KIF5A: variants seen among roughly 807,000 people sequenced by gnomAD.
The protein encoded by KIF5A is kinesin family member 5A.
In KIF5A, 35 loss-of-function variants were observed where a neutral mutation model predicts 141.3. The ratio of observed to expected loss-of-function variants is 0.25; its 90% CI spans 0.19 to 0.33. The LOEUF is 0.33. KIF5A is among the 10% of genes least tolerant of loss of function. The probability of loss-of-function intolerance (pLI) is 1.00; values close to 1 mark genes in which losing one functional copy is unlikely to be tolerated. For synonymous variants in KIF5A, 448 were observed against 500.2 expected, an observed-to-expected ratio of 0.90 and a Z score of 1.39; for missense variants, 861 against 1,314.3, an observed-to-expected ratio of 0.66 and a Z score of 5.33.
At position 57,585,635 on chromosome 12, in the gene KIF5A, G is replaced by C. The variant is rs1350022407; in HGVS notation, c.*1454G>C. ...AAGACCAAGATTCTCCAGCGGCAGG[G>C]CAGCCTATCACCCAACTTCTAAGTC... On this transcript the variant is annotated 3_prime_UTR_variant, in exon 29 of 29. Coordinates refer to ENST00000455537, the MANE Select transcript of KIF5A (RefSeq NM_004984.4). 1 of 152,866 alleles carries C rather than the reference G, an allele frequency of 6.5e-6. No individual in the cohort carries two copies. The highest frequency in any genetic ancestry group is 1.5e-5 in the Non-Finnish European group (1 of 68,218). 9.5% of individuals were successfully genotyped at this position (152,866 alleles called of 1,614,324 possible).
At chr12:57,560,706 A>G (rs542434714) in intron 1 of KIF5A, among the ~76,000 whole-genome samples, 2 of 152,058 alleles carry the variant, frequency 1.3e-5, no homozygotes, top group African/African-American at 4.8e-5. Flanking sequence ...TTACTAATTT[A>G]TGAGAGTTTT....
chr12:57,562,095 T>C (rs1405218554), intron 1 of KIF5A, among the ~76,000 whole-genome samples: 1 of 152,266 alleles, frequency 6.6e-6, no homozygotes, highest in Non-Finnish European at 1.5e-5. Flanking sequence ...CCATCAAATA[T>C]ATTCATTGGT....
chr12:57,581,286 T>A, intron 24 of KIF5A, 114 bp downstream of exon 24: 1 of 1,509,942 alleles, frequency 6.6e-7, no homozygotes. Flanking sequence ...CTCATCCCAC[T>A]TCCCCCCAAA....
intron 26 of KIF5A, among the ~76,000 whole-genome samples, chr12:57,582,373 A>G (rs891111467): frequency 1.3e-5 from 2 of 152,134 alleles, no homozygotes; most frequent in Admixed American, 6.5e-5. Flanking sequence ...TACCACGCCA[A>G]TCCCAGCCCT....
Position 57,575,678 on chromosome 12 carries a change from G to A in KIF5A, c.1944G>A (p.Gln648=), listed in dbSNP as rs746069287. 6.2e-7 allele frequency: 1 copy of A among 1,614,194 alleles called. No homozygotes were observed. Among genetic ancestry groups the A allele is most frequent in the Non-Finnish European group, 8.5e-7 (1 of 1,180,040 alleles). ...AKIRSLTEYM[Q]SVELKKRHLE... Reference sequence around the variant, plus strand: ...TCCGCTCGCTTACGGAATACATGCAGAGCGTGGAGCTAAAGAAGCGGCACC... The same window carrying A: ...TCCGCTCGCTTACGGAATACATGCAAAGCGTGGAGCTAAAGAAGCGGCACC... Residue 648 remains glutamine, a synonymous_variant, in exon 17 of 29, where the codon CAG becomes CAA. Transcript: ENST00000455537.
At chr12:57,574,258 G>A (rs1013016533) in intron 15 of KIF5A, among the ~76,000 whole-genome samples, 1 of 147,174 alleles carries the variant, frequency 6.8e-6, no homozygotes, top group Non-Finnish European at 1.5e-5. Flanking sequence ...TTGTAAGTGG[G>A]GGACTGTCAG....
At chr12:57,570,259 A>T in intron 12 of KIF5A, 97 bp downstream of exon 12, 7 of 1,063,694 alleles carry the variant, frequency 6.6e-6, no homozygotes, top group Admixed American at 2.0e-5. Flanking sequence ...TGGTTTTAAA[A>T]GGGATAAATG....
At chr12:57,565,356 G>T (rs1225453997) in intron 6 of KIF5A, among the ~76,000 whole-genome samples, 1 of 152,164 alleles carries the variant, frequency 6.6e-6, no homozygotes, top group East Asian at 1.9e-4. Flanking sequence ...GGGAGGCAGA[G>T]GTTGCGGTGA....
rs773924317 is a variant in KIF5A, at chr12:57,570,085, G to A, written c.1216G>A (p.Val406Met). 10 of 1,614,084 alleles carry A rather than the reference G, an allele frequency of 6.2e-6. No individual in the cohort carries two copies. The highest frequency in any genetic ancestry group is 2.7e-5 in the African/African-American group (2 of 74,952). ...CCCTGTGAATGACAACTCATCCATCGTGGTGCGCATCGCGCCCGAGGAGCG... is the reference window on the plus strand; with the variant it reads ...CCCTGTGAATGACAACTCATCCATCATGGTGCGCATCGCGCCCGAGGAGCG... ...ETPVNDNSSI[V>M]VRIAPEERQK... Residue 406 changes from valine (V) to methionine (M), a missense_variant, in exon 12 of 29, where the codon GTG (valine) becomes ATG (methionine). Around this residue, in one of 5 missense-constraint regions of KIF5A, gnomAD observed 167 missense variants for 192.0 expected, o/e 0.87. Coordinates refer to ENST00000455537, the MANE Select transcript of KIF5A (RefSeq NM_004984.4).
chr12:57,567,318 A>G (rs1882094270), intron 7 of KIF5A, 105 bp downstream of exon 7: 2 of 1,206,246 alleles, frequency 1.7e-6, no homozygotes, highest in Non-Finnish European at 2.4e-6. Context: ...TGTACCCCCC[A>G]GAGGAGGAGG....
In KIF5A at chr12:57,572,520, C is replaced by G; in HGVS notation, c.1570-60C>G. 1 of 1,610,934 alleles carries G rather than the reference C, an allele frequency of 6.2e-7. No homozygotes were observed. The highest frequency in any genetic ancestry group is 8.5e-7 in the Non-Finnish European group (1 of 1,178,176). On this transcript the variant is annotated intron_variant, in intron 14 of 28. Transcript: ENST00000455537. The surrounding 1 kb of genome is among the most constrained non-coding windows in gnomAD (Gnocchi z 4.2). ...CTTGCATGAAGGGAGAGGCCTCTGC[C>G]TGGGCTGGGCAAGGGAGCAGGAGGA...
At chr12:57,564,351 G>C (rs557020489) in intron 4 of KIF5A, 109 bp from the exon 5 acceptor site, 1 of 1,102,878 alleles carries the variant, frequency 9.1e-7, no homozygotes, top group African/African-American at 1.5e-5. Context: ...GTTCTCTTCT[G>C]TTCTTTTCCT....
At chr12:57,571,617 T>C (rs568599159) in intron 13 of KIF5A, among the ~76,000 whole-genome samples, 2 of 151,976 alleles carry the variant, frequency 1.3e-5, no homozygotes, top group African/African-American at 4.8e-5. Context: ...TTACCTAGGC[T>C]GGAATGCAGT....
intron 19 of KIF5A, 140 bp from the exon 20 acceptor site, chr12:57,576,621 C>T (rs1285179311): frequency 1.3e-6 from 1 of 744,154 alleles, no homozygotes; most frequent in Non-Finnish European, 2.4e-6. Context: ...CCTGAGTCTG[C>T]CTCTGGTATC....
intron 1 of KIF5A, among the ~76,000 whole-genome samples, chr12:57,552,732 G>A (rs1204081122): frequency 1.3e-5 from 2 of 152,112 alleles, no homozygotes; most frequent in Non-Finnish European, 2.9e-5. Context: ...GTCGGGAGCT[G>A]GCTTAGGAAT....
chr12:57,564,247 G>A, intron 4 of KIF5A, 35 bp downstream of exon 4: 1 of 1,408,454 alleles, frequency 7.1e-7, no homozygotes, highest in Non-Finnish European at 1.0e-6. Flanking sequence ...ATTCAGATGG[G>A]GACTGGGAGG....
At chr12:57,563,549 G>A in intron 2 of KIF5A, 23 bp downstream of exon 2, 4 of 1,608,462 alleles carry the variant, frequency 2.5e-6, no homozygotes, top group Non-Finnish European at 3.4e-6. Context: ...TTTTTAGAAT[G>A]TCTCTTCTCA....
At position 57,575,642 on chromosome 12, in the gene KIF5A, T is replaced by C; in HGVS notation, c.1908T>C (p.His636=). The change falls in exon 17 of 29, where the codon CAT becomes CAC. Residue 636 remains histidine (H), a splice_region_variant and synonymous_variant. Coordinates refer to ENST00000455537, the MANE Select transcript of KIF5A (RefSeq NM_004984.4). ...LSSCQLLISQ[H]EAKIRSLTEY... is the part of the protein sequence containing the mutation. ...TCTCACCAACTTTCTCCCACCAGCA[T>C]GAGGCCAAGATCCGCTCGCTTACGG... 1 of 1,613,960 alleles carries C rather than the reference T, an allele frequency of 6.2e-7. No individual in the cohort carries two copies. The highest frequency in any genetic ancestry group is 8.5e-7 in the Non-Finnish European group (1 of 1,179,868).
chr12:57,572,586 A>G lies in KIF5A; in HGVS notation c.1576A>G (p.Met526Val). Reference sequence around the variant, plus strand: ...CCTGAGGGGCTGTCCCCAGGCCACCATGCTGTCCCTGGAGTCTGAGTTGCA... The same window carrying G: ...CCTGAGGGGCTGTCCCCAGGCCACCGTGCTGTCCCTGGAGTCTGAGTTGCA... ...VDELSQKVAT[M>V]LSLESELQRL... Residue 526 changes from methionine (M) to valine (V), a missense_variant, in exon 15 of 29, where the codon ATG (methionine) becomes GTG (valine). Around this residue, in one of 5 missense-constraint regions of KIF5A, gnomAD observed 482 missense variants for 661.3 expected, o/e 0.73. Coordinates refer to ENST00000455537, the MANE Select transcript of KIF5A (RefSeq NM_004984.4). The surrounding 1 kb of genome is among the most constrained non-coding windows in gnomAD (Gnocchi z 4.2). 6.2e-7 allele frequency: 1 copy of G among 1,614,268 alleles called. No homozygotes were observed. Among genetic ancestry groups the G allele is most frequent in the Non-Finnish European group, 8.5e-7 (1 of 1,180,050 alleles).
Sources: gnomAD v4.1 joint callset for allele counts (sites outside exome capture counted in the v4.1 genomes callset) on GRCh38, gnomAD v4.1.1 for gene constraint, gnomAD v4.1.1 regional missense constraint, Gnocchi (gnomAD v3.1) non-coding constraint, MANE v1.5 for transcripts, NCBI Gene and HGNC (gene_info 2026-07-23, HGNC 2026-07-21) for gene names.